RABGGTA: variants seen among roughly 807,000 people sequenced by gnomAD.
RABGGTA encodes geranylgeranyl transferase type-2 subunit alpha.
RABGGTA carries 69 observed loss-of-function variants against 83.3 expected under a neutral mutation model. The observed-to-expected ratio is 0.83, with a 90% CI of 0.68 to 1.01. The LOEUF (loss-of-function observed/expected upper bound fraction) is 1.01, where lower values mean the gene tolerates loss of function less well. Ranked by LOEUF, RABGGTA falls within the 50% of genes least tolerant of loss-of-function variation. RABGGTA has a pLI of 0.00. For synonymous variants in RABGGTA, 310 were observed against 299.8 expected, an observed-to-expected ratio of 1.03 and a Z score of -0.35; for missense variants, 681 against 712.7, an observed-to-expected ratio of 0.96 and a Z score of 0.51.
At chr14:24,270,200 C>A in intron 4 of RABGGTA, 60 bp from the exon 5 acceptor site, 1 of 1,559,826 alleles carries the variant, frequency 6.4e-7, no homozygotes, top group East Asian at 2.4e-5. Flanking sequence ...CAGCTCACCC[C>A]TCACTTTCTG....
chr14:24,267,710 C>G lies in RABGGTA; in HGVS notation c.1303G>C (p.Val435Leu), dbSNP rs370570899. ...LRSKFLLENS[V>L]LKMEYAEVRV... is the part of the protein sequence containing the mutation. ...ACCTCGGCATACTCCATCTTGAGCA[C>G]GCTATTCTCCAGCAAGAACTTGCTG... Residue 435 changes from valine to leucine, a missense_variant, in exon 14 of 17, where the codon GTG becomes CTG. Transcript: ENST00000216840. The G allele has an allele frequency of 1.9e-6, 3 of 1,612,002 alleles. No individual in the cohort carries two copies. In the South Asian group the frequency reaches 3.3e-5, roughly 18 times the overall value.
At chr14:24,267,594 A>G in intron 14 of RABGGTA, 66 bp downstream of exon 14, 1 of 1,341,532 alleles carries the variant, frequency 7.5e-7, no homozygotes, top group Non-Finnish European at 1.0e-6. Context: ...GACTGGGGGC[A>G]AAGTCAGGGA....
intron 11 of RABGGTA, 27 bp from the exon 12 acceptor site, chr14:24,268,225 T>C (rs771032580): frequency 2.5e-6 from 4 of 1,607,978 alleles, no homozygotes; most frequent in South Asian, 1.1e-5. Flanking sequence ...TGGGGAGGAG[T>C]TGAGGCCCAC....
Position 24,269,710 on chromosome 14 carries a change from G to A in RABGGTA, c.428-16C>T. ...CAGCAGTGAACTGGAGGGGAGAGGT[G>A]ACAGCATATCTTAGAGGCAGGGCAA... On this transcript the variant is annotated splice_polypyrimidine_tract_variant and intron_variant, in intron 5 of 16. Coordinates refer to ENST00000216840, the MANE Select transcript of RABGGTA (RefSeq NM_182836.3). The A allele has an allele frequency of 6.2e-7, 1 of 1,612,680 alleles. No individual in the cohort carries two copies. Among genetic ancestry groups the A allele is most frequent in the Non-Finnish European group, 8.5e-7 (1 of 1,178,876 alleles).
chr14:24,269,419 G>T, intron 6 of RABGGTA, 72 bp downstream of exon 6: 1 of 1,489,644 alleles, frequency 6.7e-7, no homozygotes, highest in Non-Finnish European at 9.3e-7. Flanking sequence ...ACAGGTTCAG[G>T]AACAGGGTCA....
chr14:24,265,563 T>C lies in RABGGTA; in HGVS notation c.*52A>G. ...TTGGTAGCCTGAGAGGGCCTCTCCA[T>C]TCTTTATTCAGTCCCAATAAGTTAA... is the stretch of plus-strand genomic sequence containing the variant. On this transcript the variant is annotated 3_prime_UTR_variant, in exon 17 of 17. Coordinates refer to ENST00000216840, the MANE Select transcript of RABGGTA (RefSeq NM_182836.3). The C allele has an allele frequency of 6.3e-7, 1 of 1,579,846 alleles. No homozygotes were observed. Among genetic ancestry groups the C allele is most frequent in the South Asian group, 1.1e-5 (1 of 88,512 alleles).
chr14:24,267,869 C>T lies in RABGGTA; in HGVS notation c.1236+1G>A, dbSNP rs1215067230. Reference sequence around the variant, plus strand: ...TGGTCTGTTCTGCAGACAGAACTTGCCTTGAGGGTCTGGAAGTACTGCAGG... The same window carrying T: ...TGGTCTGTTCTGCAGACAGAACTTGTCTTGAGGGTCTGGAAGTACTGCAGG... On this transcript the variant is annotated splice_donor_variant, in intron 13 of 16. Transcript: ENST00000216840. LOFTEE classifies it high-confidence loss of function. 3 of 1,613,496 alleles carry T rather than the reference C, an allele frequency of 1.9e-6. No homozygotes were observed. The highest frequency in any genetic ancestry group is 2.5e-6 in the Non-Finnish European group (3 of 1,179,728).
intron 2 of RABGGTA, 62 bp from the exon 3 acceptor site, chr14:24,271,009 C>T (rs1016273945): frequency 1.9e-6 from 3 of 1,602,960 alleles, no homozygotes; most frequent in East Asian, 4.5e-5. Flanking sequence ...CTGCAAAAAC[C>T]CCACACTGTG....
rs893367255 is a variant in RABGGTA, at chr14:24,271,166, A to C, written c.-51T>G. ...GGGAAGGGTCCAGTGGTAGCCCTTGAAGTCTGAGGAGAGAAGTGTCAATCA... is the reference window on the plus strand; with the variant it reads ...GGGAAGGGTCCAGTGGTAGCCCTTGCAGTCTGAGGAGAGAAGTGTCAATCA... On this transcript the variant is annotated 5_prime_UTR_variant, in exon 2 of 17. Coordinates refer to ENST00000216840, the MANE Select transcript of RABGGTA (RefSeq NM_182836.3). 6.6e-7 allele frequency: 1 copy of C among 1,503,986 alleles called. No homozygotes were observed. Among genetic ancestry groups the C allele is most frequent in the African/African-American group, 1.4e-5 (1 of 71,454 alleles). 93.2% of individuals were successfully genotyped at this position (1,503,986 alleles called of 1,614,324 possible). A position where few individuals can be genotyped will look rare whatever the true frequency, so the allele number is the denominator to read the frequency against.
rs1282690070 is a variant in RABGGTA at position 24,271,002 on chromosome 14, CA to C, written c.4-56del. ...AGGTTGCCTTGCAGAAGCTGACCTG[CA>C]AAAACCCCACACTGTGGAGCCCTAG... On this transcript the variant is annotated intron_variant, in intron 2 of 16. Coordinates refer to ENST00000216840, the MANE Select transcript of RABGGTA (RefSeq NM_182836.3). The C allele has an allele frequency of 2.2e-5, 35 of 1,603,550 alleles. No individual in the cohort carries two copies. In the East Asian group the frequency reaches 7.6e-4, roughly 35 times the overall value.
intron 3 of RABGGTA, 120 bp from the exon 4 acceptor site, chr14:24,270,578 A>C: frequency 7.4e-7 from 1 of 1,343,754 alleles, no homozygotes; most frequent in Non-Finnish European, 1.0e-6. Flanking sequence ...GGTACTATGA[A>C]CCATGCTTTA....
intron 6 of RABGGTA, 48 bp downstream of exon 6, chr14:24,269,443 G>A: frequency 2.6e-6 from 4 of 1,519,386 alleles, no homozygotes; most frequent in Non-Finnish European, 3.7e-6. Flanking sequence ...ATGGGGGCTG[G>A]AAGGGTGGCA....
At chr14:24,266,328 G>C (rs1459366867) in intron 16 of RABGGTA, 102 bp downstream of exon 16, 3 of 1,088,116 alleles carry the variant, frequency 2.8e-6, no homozygotes, top group Non-Finnish European at 4.2e-6. Flanking sequence ...CCTCTCTCCT[G>C]CCCTGCAAGA....
At chr14:24,271,203 C>T (rs1011537422) in intron 1 of RABGGTA, 34 bp from the exon 2 acceptor site, 10 of 1,435,468 alleles carry the variant, frequency 7.0e-6, no homozygotes, top group Non-Finnish European at 9.3e-6. Flanking sequence ...GTAGCCCCGC[C>T]CCTACTAGCT....
In RABGGTA at chr14:24,270,468, T is replaced by C; in HGVS notation, c.115-10A>G. The C allele has an allele frequency of 2.5e-6, 4 of 1,613,968 alleles. No homozygotes were observed. Among genetic ancestry groups the C allele is most frequent in the Non-Finnish European group, 3.4e-6 (4 of 1,179,838 alleles). ...GCTCACCAGCCTGGCGCTAAGAAGA[T>C]AGGTGGCAGGGTTAGAGATCATATA... On this transcript the variant is annotated splice_polypyrimidine_tract_variant and intron_variant, in intron 3 of 16. Coordinates refer to ENST00000216840, the MANE Select transcript of RABGGTA (RefSeq NM_182836.3).
chr14:24,270,810 G>C, intron 3 of RABGGTA, 27 bp downstream of exon 3: 1 of 1,607,392 alleles, frequency 6.2e-7, no homozygotes, highest in Non-Finnish European at 8.5e-7. Flanking sequence ...AGCTACTTGG[G>C]GTCGGGGCTA....
chr14:24,266,674 G>T (rs770718447), intron 15 of RABGGTA, 102 bp downstream of exon 15: 1 of 1,267,964 alleles, frequency 7.9e-7, no homozygotes, highest in East Asian at 2.3e-5. Flanking sequence ...CCTGTTCGGG[G>T]TGGAGGGTCC....
Position 24,268,705 on chromosome 14 carries a change from C to A in RABGGTA, c.900+20G>T, listed in dbSNP as rs1195027642. On this transcript the variant is annotated intron_variant, in intron 9 of 16. Transcript: ENST00000216840. ...GCCCTGCCCCAGACCCCAACTTCTG[C>A]CCCACCAATCCTGGGATACCCAGAC... is the stretch of plus-strand genomic sequence containing the variant. 1 of 1,602,748 alleles carries A rather than the reference C, an allele frequency of 6.2e-7. No individual in the cohort carries two copies. The highest frequency in any genetic ancestry group is 1.1e-5 in the South Asian group (1 of 89,754).
At chr14:24,267,839 C>A (rs564834697) in intron 13 of RABGGTA, 31 bp downstream of exon 13, 5 of 1,611,790 alleles carry the variant, frequency 3.1e-6, no homozygotes, top group Admixed American at 3.3e-5. Flanking sequence ...TGCTGGGCCT[C>A]CCCCTGGTCT....
Sources: allele counts gnomAD v4.1 joint callset, GRCh38; gene constraint gnomAD v4.1.1; transcripts MANE v1.5; gene names NCBI Gene and HGNC (gene_info 2026-07-23, HGNC 2026-07-21).